NRG1: variants seen among roughly 807,000 people sequenced by gnomAD.
NRG1 encodes neuregulin 1, also known as pro-neuregulin-1, membrane-bound isoform.
In NRG1, 18 loss-of-function variants were observed where a neutral mutation model predicts 63.8. The ratio of observed to expected loss-of-function variants is 0.28; its 90% CI spans 0.19 to 0.42. The LOEUF (loss-of-function observed/expected upper bound fraction) is 0.42. Among genes scored for constraint, NRG1 ranks in the 10% least tolerant of loss-of-function variants. The probability of loss-of-function intolerance (pLI) is 1.00; values close to 1 mark genes in which losing one functional copy is unlikely to be tolerated. For missense variants in NRG1, 762 were observed against 814.7 expected (o/e 0.94, Z 0.79); for synonymous variants, 302 against 301.3 (o/e 1.00, Z -0.02).
At chr8:31,780,532 G>T (rs527408569) in intron 1 of NRG1, among the ~76,000 whole-genome samples, 32 of 152,248 alleles carry the variant, frequency 2.1e-4, no homozygotes, top group African/African-American at 7.2e-4. Context: ...AAATATTTCT[G>T]AGAGTTGTAA....
At position 31,896,619 on chromosome 8, in the gene NRG1, G is replaced by A. The variant is rs188455852; in HGVS notation, c.37+257188G>A. Among the ~76,000 whole-genome samples the A allele has an allele frequency of 3.5e-4, 54 of 152,268 alleles. 1 individual carries two copies. The highest frequency in any genetic ancestry group is 6.8e-3 in the Middle Eastern group (2 of 294). On this transcript the variant is annotated intron_variant, in intron 1 of 10. Transcript: ENST00000519301. ...TTTGTTAAGACATAGCTTCTTGGAC[G>A]CCCACTTCCAGGTTTCTGATTCAGT...
intron 5 of NRG1, among the ~76,000 whole-genome samples, chr8:32,632,291 A>G (rs111238775): frequency 0.032 from 4,814 of 152,182 alleles, 146 homozygotes; most frequent in African/African-American, 0.082. Context: ...GGTGGCTCAC[A>G]CCTGTAATCC....
intron 1 of NRG1, among the ~76,000 whole-genome samples, chr8:31,694,965 C>T (rs973443065): frequency 1.3e-5 from 2 of 152,150 alleles, no homozygotes; most frequent in Admixed American, 1.3e-4. Context: ...TGTTCTTGCA[C>T]TGCTATAAAG....
chr8:32,044,913 C>CAAA, intron 1 of NRG1, among the ~76,000 whole-genome samples: 2,182 of 56,824 alleles, frequency 0.038, 89 homozygotes, highest in African/African-American at 0.087. Flanking sequence ...TAAAGAAAAG[C>CAAA]AAAAAAAAAA....
At chr8:31,937,572 G>C (rs774141129) in intron 1 of NRG1, among the ~76,000 whole-genome samples, 3 of 152,132 alleles carry the variant, frequency 2.0e-5, no homozygotes, top group Non-Finnish European at 4.4e-5. Context: ...TCGAAAAACT[G>C]TGAGTCTGCT....
At chr8:32,314,190 G>GAAA (rs3055549) in intron 1 of NRG1, among the ~76,000 whole-genome samples, 11,372 of 150,044 alleles carry the variant, frequency 0.076, 1,127 homozygotes, top group African/African-American at 0.23. Flanking sequence ...CTGTTAAGTG[G>GAAA]AAAAAAAAAA....
chr8:31,970,911 G>A (rs1258745290), intron 1 of NRG1, among the ~76,000 whole-genome samples: 1 of 152,062 alleles, frequency 6.6e-6, no homozygotes, highest in Non-Finnish European at 1.5e-5. Flanking sequence ...TTGCGCGGTG[G>A]CGGGCGCCTG....
downstream of NRG1, among the ~76,000 whole-genome samples, chr8:32,769,020 C>T (rs557930251): frequency 8.4e-4 from 128 of 152,104 alleles, no homozygotes; most frequent in Admixed American, 3.7e-3. Context: ...TTCACATTTG[C>T]AACAACTTTA....
intron 1 of NRG1, among the ~76,000 whole-genome samples, chr8:32,243,426 T>C (rs1848310130): frequency 1.0e-5 from 1 of 95,468 alleles, no homozygotes; most frequent in African/African-American, 5.3e-5. Flanking sequence ...TAAGACTCTG[T>C]CTCAAAAGAA....
chr8:32,492,692 T>C (rs984684488), intron 1 of NRG1, among the ~76,000 whole-genome samples: 1 of 152,212 alleles, frequency 6.6e-6, no homozygotes, highest in Non-Finnish European at 1.5e-5. Context: ...TTTCCGTCCC[T>C]GTGTTCTGAG....
Position 32,337,115 on chromosome 8 carries a change from A to C in NRG1, c.38-258713A>C, listed in dbSNP as rs904233727. ...ATCTCAAACTCCTGTGCTCAAAGCT[A>C]TCCTCCTGTCTCAGCCTCCCAAGTA... On this transcript the variant is annotated intron_variant, in intron 1 of 10. Coordinates refer to the NRG1 transcript ENST00000519301. Among the ~76,000 whole-genome samples the C allele has an allele frequency of 2.0e-5, 3 of 152,170 alleles. No homozygotes were observed. In the South Asian group the frequency reaches 6.2e-4, roughly 32 times the overall value.
At chr8:32,494,242 C>A (rs757513465) in intron 1 of NRG1, among the ~76,000 whole-genome samples, 1 of 152,266 alleles carries the variant, frequency 6.6e-6, no homozygotes, top group Non-Finnish European at 1.5e-5. Context: ...TATTGTAGAA[C>A]ATTTGGAAAC....
intron 5 of NRG1, among the ~76,000 whole-genome samples, chr8:32,714,871 G>C (rs1277926007): frequency 6.6e-6 from 1 of 152,192 alleles, no homozygotes; most frequent in Non-Finnish European, 1.5e-5. Flanking sequence ...AGCTCCCCAA[G>C]CATGAGCTTC....
chr8:32,426,778 T>C (rs1027183330), intron 1 of NRG1, among the ~76,000 whole-genome samples: 2 of 152,152 alleles, frequency 1.3e-5, no homozygotes, highest in African/African-American at 4.8e-5. Context: ...TTTGAAAAGA[T>C]AGTGACATTG....
intron 1 of NRG1, among the ~76,000 whole-genome samples, chr8:31,827,003 G>A (rs954595877): frequency 1.3e-5 from 2 of 152,188 alleles, no homozygotes; most frequent in Admixed American, 1.3e-4. Flanking sequence ...TTGGCAGGCA[G>A]TGACCTTAAA....
intron 1 of NRG1, among the ~76,000 whole-genome samples, chr8:31,914,974 C>T (rs988570157): frequency 6.6e-6 from 1 of 151,916 alleles, no homozygotes; most frequent in African/African-American, 2.4e-5. Context: ...TAAATTCCCA[C>T]AATTATCAGT....
chr8:32,346,318 A>G (rs1156586396), intron 1 of NRG1, among the ~76,000 whole-genome samples: 1 of 150,428 alleles, frequency 6.6e-6, no homozygotes, highest in Non-Finnish European at 1.5e-5. Flanking sequence ...TTATGTGTAA[A>G]ATTCACATGA....
At chr8:31,812,098 T>C (rs544560239) in intron 1 of NRG1, among the ~76,000 whole-genome samples, 1 of 152,174 alleles carries the variant, frequency 6.6e-6, no homozygotes, top group Non-Finnish European at 1.5e-5. Context: ...CTATAATGGA[T>C]TATAGGATAT....
intron 5 of NRG1, among the ~76,000 whole-genome samples, chr8:32,661,186 A>C (rs1802768149): frequency 6.6e-6 from 1 of 152,188 alleles, no homozygotes; most frequent in African/African-American, 2.4e-5. Flanking sequence ...GGACAATCAT[A>C]TATGTGTATA....
Sources: gnomAD v4.1 joint callset for allele counts (sites outside exome capture counted in the v4.1 genomes callset) on GRCh38, gnomAD v4.1.1 for gene constraint, MANE v1.5 for transcripts, NCBI Gene and HGNC (gene_info 2026-07-23, HGNC 2026-07-21) for gene names.